The following PTPRN2 variants were observed in gnomAD, a reference collection of about 807,000 sequenced individuals.
PTPRN2 encodes receptor-type tyrosine-protein phosphatase N2.
A neutral mutation model predicts 118.8 loss-of-function variants in PTPRN2; 74 were observed. That is an observed-to-expected ratio of 0.62 (90% CI 0.52 to 0.76). The LOEUF (loss-of-function observed/expected upper bound fraction) is 0.76, where lower values mean the gene tolerates loss of function less well. Among genes scored for constraint, PTPRN2 ranks in the 30% least tolerant of loss-of-function variants. The pLI is 0.00. For synonymous variants in PTPRN2, 641 were observed against 608.0 expected (o/e 1.05, Z -0.80); for missense variants, 1,481 against 1,394.4 (o/e 1.06, Z -0.99).
At chr7:158,571,521 A>ATTTTTTTTTT (rs1563446712) in intron 1 of PTPRN2, among the ~76,000 whole-genome samples, 1 of 119,666 alleles carries the variant, frequency 8.4e-6, no homozygotes, top group Non-Finnish European at 1.7e-5. Context: ...ACACACACCT[A>ATTTTTTTTTT]TTTCTTTTTT....
At chr7:158,444,936 C>T (rs534296659) in intron 2 of PTPRN2, among the ~76,000 whole-genome samples, 11 of 152,116 alleles carry the variant, frequency 7.2e-5, no homozygotes, top group South Asian at 2.1e-4. Flanking sequence ...CTTGAAAACG[C>T]GGCCGCACCC....
intron 1 of PTPRN2, among the ~76,000 whole-genome samples, chr7:158,536,482 A>G (rs1825651800): frequency 6.6e-6 from 1 of 151,596 alleles, no homozygotes; most frequent in African/African-American, 2.4e-5. Flanking sequence ...ACAAGATGAG[A>G]CTCAGGAAGA....
At chr7:158,289,045 T>C (rs554588363) in intron 3 of PTPRN2, among the ~76,000 whole-genome samples, 35 of 152,328 alleles carry the variant, frequency 2.3e-4, no homozygotes, top group Middle Eastern at 3.4e-3. Context: ...GCTATAAACC[T>C]TCCTGTAACT....
chr7:157,755,938 C>A (rs942122358), intron 12 of PTPRN2, among the ~76,000 whole-genome samples: 1 of 152,204 alleles, frequency 6.6e-6, no homozygotes, highest in Non-Finnish European at 1.5e-5. Flanking sequence ...GCCCTTCCCA[C>A]GGCAGCGTCC....
intron 2 of PTPRN2, among the ~76,000 whole-genome samples, chr7:158,337,123 C>G (rs1373954661): frequency 6.6e-6 from 1 of 151,990 alleles, no homozygotes; most frequent in African/African-American, 2.4e-5. Flanking sequence ...CTGAGGCCCA[C>G]AGAGGTCACT....
intron 2 of PTPRN2, among the ~76,000 whole-genome samples, chr7:158,441,058 T>TG (rs796819127): frequency 1.8e-5 from 1 of 54,252 alleles, no homozygotes; most frequent in Non-Finnish European, 4.7e-5. Flanking sequence ...GTGGTAGTGA[T>TG]GGGGGTGGTA....
intron 12 of PTPRN2, among the ~76,000 whole-genome samples, chr7:157,748,642 C>T (rs113523082): frequency 0.01 from 1,196 of 116,088 alleles, no homozygotes; most frequent in Admixed American, 0.022. Flanking sequence ...CTGATGCCTG[C>T]GTCCCTGAGC....
At chr7:158,265,733 G>A (rs898624238) in intron 3 of PTPRN2, among the ~76,000 whole-genome samples, 2 of 152,184 alleles carry the variant, frequency 1.3e-5, no homozygotes, top group Admixed American at 6.5e-5. Flanking sequence ...GAGTACAGCT[G>A]GAAATGAATG....
intron 2 of PTPRN2, among the ~76,000 whole-genome samples, chr7:158,329,186 G>C (rs7800718): frequency 6.6e-6 from 1 of 152,110 alleles, no homozygotes. Context: ...AGCAGACACC[G>C]GCCAGGCGGG....
rs879880857 is a variant in PTPRN2, at chr7:157,861,209, C to T, written c.1788+37464G>A. Among the ~76,000 whole-genome samples, 9 of 152,222 alleles carry T rather than the reference C, an allele frequency of 5.9e-5. No individual in the cohort carries two copies. The highest frequency in any genetic ancestry group is 3.9e-4 in the Admixed American group (6 of 15,292). On this transcript the variant is annotated intron_variant, in intron 12 of 22. Transcript: ENST00000389418. The surrounding 1 kb of genome is among the most constrained non-coding windows in gnomAD (Gnocchi z 5.8). The stretch of plus-strand genomic sequence containing the variant: ...CGTGCTCCATGGTGACACTGCCCCA[C>T]GGGGTCCAAATGCTGAATTCCTGTA...
intron 3 of PTPRN2, among the ~76,000 whole-genome samples, chr7:158,230,974 A>T (rs1829127834): frequency 6.6e-6 from 1 of 152,212 alleles, no homozygotes; most frequent in Non-Finnish European, 1.5e-5. Context: ...GGAATAGAAA[A>T]ATATATTTCA....
intron 2 of PTPRN2, among the ~76,000 whole-genome samples, chr7:158,328,614 G>A (rs56699267): frequency 1.3e-5 from 2 of 152,116 alleles, no homozygotes; most frequent in Non-Finnish European, 2.9e-5. Context: ...AGCTTCCCTT[G>A]TGTGAGGAGC....
chr7:158,432,654 G>A (rs1025501891), intron 2 of PTPRN2, among the ~76,000 whole-genome samples: 1 of 152,192 alleles, frequency 6.6e-6, no homozygotes, highest in Non-Finnish European at 1.5e-5. Flanking sequence ...TTTTTGTTGA[G>A]ATACTATGCA....
At chr7:158,285,562 C>T (rs1799713503) in intron 3 of PTPRN2, among the ~76,000 whole-genome samples, 1 of 152,208 alleles carries the variant, frequency 6.6e-6, no homozygotes, top group Non-Finnish European at 1.5e-5. Flanking sequence ...CAGCTGAGCC[C>T]CCTCCTCTGA....
chr7:157,706,283 G>A (rs556555459), intron 12 of PTPRN2, among the ~76,000 whole-genome samples: 3 of 150,492 alleles, frequency 2.0e-5, no homozygotes, highest in East Asian at 3.9e-4. Context: ...TGAATCTGAC[G>A]CAGTGCTGTC....
chr7:157,788,757 G>A (rs56123398), intron 12 of PTPRN2, among the ~76,000 whole-genome samples: 18 of 151,910 alleles, frequency 1.2e-4, no homozygotes, highest in African/African-American at 3.4e-4. Context: ...GGGAGGCCTC[G>A]GGGGCCACAT....
Position 158,093,516 on chromosome 7 carries a change from G to C in PTPRN2, c.1644-12139C>G, listed in dbSNP as rs1814384880. Among the ~76,000 whole-genome samples the C allele has an allele frequency of 6.6e-6, 1 of 152,222 alleles. No individual in the cohort carries two copies. The highest frequency in any genetic ancestry group is 2.1e-4 in the South Asian group (1 of 4,836). ...TTGTTCACTGGCGTCCCTCACTCTA[G>C]GCAAGCCCACAGCTTGGTGCTGGGC... On this transcript the variant is annotated intron_variant, in intron 10 of 22. Coordinates refer to ENST00000389418, the MANE Select transcript of PTPRN2 (RefSeq NM_002847.5). The surrounding 1 kb of genome is among the most constrained non-coding windows in gnomAD (Gnocchi z 4.4).
chr7:157,682,315 T>C (rs1796952988), intron 13 of PTPRN2, among the ~76,000 whole-genome samples: 1 of 152,198 alleles, frequency 6.6e-6, no homozygotes, highest in Non-Finnish European at 1.5e-5. Context: ...TCAAAGGATC[T>C]TTTCACAGAA....
intron 13 of PTPRN2, among the ~76,000 whole-genome samples, chr7:157,679,530 A>G (rs1321485655): frequency 2.0e-5 from 3 of 152,246 alleles, no homozygotes; most frequent in Non-Finnish European, 4.4e-5. Flanking sequence ...CTGTCCATGA[A>G]ATAGTTCTAT....
Sources: gnomAD v4.1 joint callset for allele counts (sites outside exome capture counted in the v4.1 genomes callset) on GRCh38, gnomAD v4.1.1 for gene constraint, Gnocchi (gnomAD v3.1) non-coding constraint, MANE v1.5 for transcripts, NCBI Gene and HGNC (gene_info 2026-07-23, HGNC 2026-07-21) for gene names.